The following MAD1L1 variants were observed in gnomAD, a reference collection of about 807,000 sequenced individuals.
MAD1L1 encodes the protein mitotic arrest deficient 1 like 1, also known as mitotic spindle assembly checkpoint protein MAD1.
Under a neutral mutation model 96.9 loss-of-function variants are expected in MAD1L1, and 95 were observed. That is an observed-to-expected ratio of 0.98 (90% CI 0.83 to 1.16). The LOEUF is 1.16. Ranked by LOEUF, MAD1L1 falls within the 50% of genes most tolerant of loss-of-function variation. The probability of loss-of-function intolerance (pLI) is 0.00; values close to 1 mark genes in which losing one functional copy is unlikely to be tolerated. For missense variants in MAD1L1, 1,007 were observed against 954.4 expected (o/e 1.06, Z -0.73); for synonymous variants, 473 against 396.6 (o/e 1.19, Z -2.29).
At chr7:2,038,524 T>TTTTTTTTTTTTTTA (rs1783541760) in intron 12 of MAD1L1, among the ~76,000 whole-genome samples, 1 of 120,954 alleles carries the variant, frequency 8.3e-6, no homozygotes. Flanking sequence ...TTTTTTTTTT[T>TTTTTTTTTTTTTTA]TTGAGACACA....
intron 18 of MAD1L1, among the ~76,000 whole-genome samples, chr7:1,836,958 C>T (rs1281087921): frequency 4.6e-5 from 7 of 152,128 alleles, no homozygotes; most frequent in East Asian, 1.9e-4. Context: ...AAATAAAAGA[C>T]GGGTAAGTTA....
chr7:1,836,961 G>GT (rs1262828492), intron 18 of MAD1L1, among the ~76,000 whole-genome samples: 1 of 152,156 alleles, frequency 6.6e-6, no homozygotes, highest in East Asian at 1.9e-4. Flanking sequence ...TAAAAGACGG[G>GT]TAAGTTAGAC....
At chr7:1,951,204 T>C (rs551598976) in intron 16 of MAD1L1, among the ~76,000 whole-genome samples, 24 of 152,226 alleles carry the variant, frequency 1.6e-4, no homozygotes, top group Non-Finnish European at 3.1e-4. Context: ...AGCCAGCGCC[T>C]AAACCATCCT....
At position 2,114,808 on chromosome 7, in the gene MAD1L1, G is replaced by A. The variant is rs373710680; in HGVS notation, c.1073+34344C>T. Among the ~76,000 whole-genome samples the A allele has an allele frequency of 1.3e-5, 2 of 152,296 alleles. No homozygotes were observed. The highest frequency in any genetic ancestry group is 1.9e-4 in the East Asian group (1 of 5,194). On this transcript the variant is annotated intron_variant, in intron 11 of 18. Coordinates refer to ENST00000265854, the MANE Select transcript of MAD1L1 (RefSeq NM_001013836.2). The surrounding 1 kb of genome is among the most constrained non-coding windows in gnomAD (Gnocchi z 4.2). ...CTGCCCGGCAAACCCCAAAGAGTCC[G>A]TTCTGGCCCTTCACACAAGACACTT...
intron 17 of MAD1L1, among the ~76,000 whole-genome samples, chr7:1,930,883 C>T (rs1013261576): frequency 1.3e-5 from 2 of 152,180 alleles, no homozygotes; most frequent in African/African-American, 4.8e-5. Context: ...GGAGACCCAC[C>T]CCTAACCCAT....
chr7:1,974,145 ACTTCC>A (rs1315653354), intron 15 of MAD1L1, among the ~76,000 whole-genome samples: 1 of 152,136 alleles, frequency 6.6e-6, no homozygotes, highest in African/African-American at 2.4e-5. Flanking sequence ...TTGGCGACAC[ACTTCC>A]CTGCTCAGCC....
intron 16 of MAD1L1, among the ~76,000 whole-genome samples, chr7:1,954,691 T>C (rs181246438): frequency 6.6e-6 from 1 of 152,320 alleles, no homozygotes; most frequent in African/African-American, 2.4e-5. Context: ...CAAGACTCAT[T>C]CTGCCTCCTA....
intron 10 of MAD1L1, among the ~76,000 whole-genome samples, chr7:2,210,305 G>A (rs571994229): frequency 9.9e-5 from 15 of 152,142 alleles, no homozygotes; most frequent in South Asian, 4.2e-4. Context: ...ATCTAGGCTC[G>A]AGCAATCCCC....
intron 18 of MAD1L1, among the ~76,000 whole-genome samples, chr7:1,873,111 C>T (rs1291431119): frequency 6.6e-6 from 1 of 152,218 alleles, no homozygotes; most frequent in Admixed American, 6.5e-5. Context: ...GGGAGGAGCC[C>T]CCCGTGGGGC....
chr7:1,832,328 ATC>A (rs1782739123), intron 18 of MAD1L1, among the ~76,000 whole-genome samples: 1 of 152,162 alleles, frequency 6.6e-6, no homozygotes, highest in Non-Finnish European at 1.5e-5. Context: ...AACTGCTGCA[ATC>A]TCATGATCAA....
intron 10 of MAD1L1, among the ~76,000 whole-genome samples, chr7:2,191,432 T>G (rs1276339450): frequency 6.6e-6 from 1 of 152,214 alleles, no homozygotes; most frequent in Non-Finnish European, 1.5e-5. Context: ...ACTTTTTTAA[T>G]AATACAAATG....
chr7:1,918,447 G>A (rs976147967), intron 17 of MAD1L1, among the ~76,000 whole-genome samples: 9 of 152,186 alleles, frequency 5.9e-5, no homozygotes, highest in Non-Finnish European at 8.8e-5. Context: ...CACTGGGGAC[G>A]GTGCTTCAGC....
At chr7:2,080,679 C>T (rs182558210) in intron 11 of MAD1L1, among the ~76,000 whole-genome samples, 7 of 152,202 alleles carry the variant, frequency 4.6e-5, no homozygotes, top group East Asian at 1.9e-4. Context: ...TGGAAACTCC[C>T]GGGTCGCAGA....
Position 2,103,062 on chromosome 7 carries a change from C to A in MAD1L1, c.1074-33724G>T, listed in dbSNP as rs941296908. 2.6e-5 allele frequency among the ~76,000 whole-genome samples: 4 copies of A among 152,222 alleles called. No individual in the cohort carries two copies. Among genetic ancestry groups the A allele is most frequent in the Admixed American group, 1.3e-4 (2 of 15,292 alleles). ...ACACCTGGGTCAGCGCTGGGTCAGG[C>A]CTGGCCACGCTGCCTGCCTGCTGGA... is the stretch of plus-strand genomic sequence containing the variant. On this transcript the variant is annotated intron_variant, in intron 11 of 18. Transcript: ENST00000265854. This position sits in a 1 kb window ranked among gnomAD's most constrained non-coding sequence, Gnocchi z 4.3.
intron 15 of MAD1L1, among the ~76,000 whole-genome samples, chr7:1,978,390 A>C (rs1330436919): frequency 6.6e-6 from 1 of 152,232 alleles, no homozygotes; most frequent in Non-Finnish European, 1.5e-5. Context: ...TCTGCAAAGG[A>C]AAAGCCAACT....
At chr7:1,823,599 G>A (rs942702362) in intron 18 of MAD1L1, among the ~76,000 whole-genome samples, 1 of 152,194 alleles carries the variant, frequency 6.6e-6, no homozygotes, top group Non-Finnish European at 1.5e-5. Context: ...GCCCCACAGG[G>A]CAAGGCCCAC....
chr7:2,074,181 G>A (rs1026771033), intron 11 of MAD1L1, among the ~76,000 whole-genome samples: 3 of 152,144 alleles, frequency 2.0e-5, no homozygotes, highest in Non-Finnish European at 4.4e-5. Context: ...ACGGAACACC[G>A]CAGCCAGCCT....
intron 10 of MAD1L1, among the ~76,000 whole-genome samples, chr7:2,211,083 C>T (rs1792921463): frequency 6.6e-6 from 1 of 152,208 alleles, no homozygotes; most frequent in Non-Finnish European, 1.5e-5. Flanking sequence ...ATCTGTGTTC[C>T]TCATCAAAGC....
At chr7:1,904,204 A>T (rs1787467319) in intron 17 of MAD1L1, among the ~76,000 whole-genome samples, 1 of 148,800 alleles carries the variant, frequency 6.7e-6, no homozygotes, top group Non-Finnish European at 1.5e-5. Flanking sequence ...TGTTCCAGGC[A>T]GCGAGCACGC....
Sources: gnomAD v4.1 joint callset for allele counts (sites outside exome capture counted in the v4.1 genomes callset) on GRCh38, gnomAD v4.1.1 for gene constraint, Gnocchi (gnomAD v3.1) non-coding constraint, MANE v1.5 for transcripts, NCBI Gene and HGNC (gene_info 2026-07-23, HGNC 2026-07-21) for gene names.